The following CTNNA3 variants were observed in gnomAD, a reference collection of about 807,000 sequenced individuals.
CTNNA3 encodes the protein catenin alpha 3.
In CTNNA3, 76 loss-of-function variants were observed where a neutral mutation model predicts 95.7. The ratio of observed to expected loss-of-function variants is 0.79; its 90% CI spans 0.66 to 0.96. The LOEUF (loss-of-function observed/expected upper bound fraction) is 0.96, where lower values mean the gene tolerates loss of function less well. Among genes scored for constraint, CTNNA3 ranks in the 40% least tolerant of loss-of-function variants. The pLI, the probability that CTNNA3 is intolerant of heterozygous loss-of-function variation, is 0.00. For synonymous variants in CTNNA3, 431 were observed against 374.4 expected (o/e 1.15, Z -1.74); for missense variants, 1,191 against 1,089.8 (o/e 1.09, Z -1.31).
chr10:66,745,649 G>A (rs990435694), intron 9 of CTNNA3, among the ~76,000 whole-genome samples: 1 of 148,588 alleles, frequency 6.7e-6, no homozygotes, highest in African/African-American at 2.5e-5. Flanking sequence ...GAGTGCAGTG[G>A]TGTGATCTCG....
chr10:67,181,579 A>G (rs542402323), intron 6 of CTNNA3, among the ~76,000 whole-genome samples: 3 of 152,262 alleles, frequency 2.0e-5, no homozygotes, highest in African/African-American at 7.2e-5. Flanking sequence ...ATATTATAAG[A>G]TCTTCCTAGT....
At chr10:66,477,771 A>G (rs1332968370) in intron 11 of CTNNA3, among the ~76,000 whole-genome samples, 2 of 152,038 alleles carry the variant, frequency 1.3e-5, no homozygotes, top group Non-Finnish European at 2.9e-5. Flanking sequence ...CTCACATAAA[A>G]TATTTGTTAG....
intron 1 of CTNNA3, among the ~76,000 whole-genome samples, chr10:67,689,084 A>G (rs10997783): frequency 0.24 from 35,895 of 152,038 alleles, 5,090 homozygotes; most frequent in East Asian, 0.52. Context: ...AAGCTGTTAG[A>G]GTCCTAAGCA....
chr10:66,523,988 C>T (rs1447287097), intron 10 of CTNNA3, among the ~76,000 whole-genome samples: 1 of 152,138 alleles, frequency 6.6e-6, no homozygotes, highest in East Asian at 1.9e-4. Context: ...TAATCTTACT[C>T]ATTTTAGTCT....
chr10:66,524,940 T>A (rs1324289392), intron 10 of CTNNA3, among the ~76,000 whole-genome samples: 1 of 151,862 alleles, frequency 6.6e-6, no homozygotes, highest in Non-Finnish European at 1.5e-5. Flanking sequence ...TCCCAGCTAC[T>A]TGGGAGGCTG....
At position 66,153,334 on chromosome 10, in the gene CTNNA3, T is replaced by A. The variant is rs1007623642; in HGVS notation, c.1885-50085A>T. 3.9e-5 allele frequency among the ~76,000 whole-genome samples: 6 copies of A among 152,022 alleles called. No homozygotes were observed. In the East Asian group the frequency reaches 9.6e-4, roughly 24 times the overall value. On this transcript the variant is annotated intron_variant, in intron 13 of 17. Transcript: ENST00000433211. ...GTTAATCATATATTTTTTCTTTGAA[T>A]GTGAAGCCAGTCTGTATTGTATCCA...
chr10:67,112,186 ATATGT>A (rs942088397), intron 7 of CTNNA3, among the ~76,000 whole-genome samples: 18 of 152,250 alleles, frequency 1.2e-4, no homozygotes, highest in Admixed American at 7.8e-4. Context: ...TATATTATGG[ATATGT>A]TATAACTGTC....
chr10:66,468,784 A>T (rs1019012796), intron 11 of CTNNA3, among the ~76,000 whole-genome samples: 15 of 152,046 alleles, frequency 9.9e-5, no homozygotes, highest in African/African-American at 3.6e-4. Context: ...AAAATAAATA[A>T]TAAGAAGCAC....
At chr10:66,105,889 T>C (rs996736730) in intron 13 of CTNNA3, among the ~76,000 whole-genome samples, 1 of 152,152 alleles carries the variant, frequency 6.6e-6, no homozygotes, top group Admixed American at 6.6e-5. Flanking sequence ...AGGAGTACTC[T>C]AATAATTTTG....
At chr10:67,002,031 G>A (rs539551645) in intron 7 of CTNNA3, among the ~76,000 whole-genome samples, 2 of 152,262 alleles carry the variant, frequency 1.3e-5, no homozygotes, top group Admixed American at 6.5e-5. Flanking sequence ...GGAGGTCACC[G>A]TCTGGTTGAC....
At position 66,732,726 on chromosome 10, in the gene CTNNA3, G is replaced by C. The variant is rs562885573; in HGVS notation, c.1281+33538C>G. On this transcript the variant is annotated intron_variant, in intron 9 of 17. Coordinates refer to ENST00000433211, the MANE Select transcript of CTNNA3 (RefSeq NM_013266.4). ...CCTCCCATGACCCATGGGGATTATGGAAAATACAATTCAAGATGGGATTTG... is the reference window on the plus strand; with the variant it reads ...CCTCCCATGACCCATGGGGATTATGCAAAATACAATTCAAGATGGGATTTG... Among the ~76,000 whole-genome samples, 4 of 152,184 alleles carry C rather than the reference G, an allele frequency of 2.6e-5. No homozygotes were observed. In the East Asian group the frequency reaches 7.7e-4, roughly 29 times the overall value.
chr10:66,067,091 C>T (rs2080329039), intron 15 of CTNNA3, among the ~76,000 whole-genome samples: 1 of 152,090 alleles, frequency 6.6e-6, no homozygotes, highest in South Asian at 2.1e-4. Context: ...TTGCTCAGTT[C>T]CATTTTCCCC....
rs141473256 is a variant in CTNNA3, at chr10:66,247,322, C to A, written c.1884+33148G>T. On this transcript the variant is annotated intron_variant, in intron 13 of 17. Transcript: ENST00000433211. ...AGGGTTTTGACTCTAATCCCTGGTTCACAGCTAGCATTGCTGGACCTGCCT... is the reference window on the plus strand; with the variant it reads ...AGGGTTTTGACTCTAATCCCTGGTTAACAGCTAGCATTGCTGGACCTGCCT... 5.3e-5 allele frequency among the ~76,000 whole-genome samples: 8 copies of A among 152,220 alleles called. No homozygotes were observed. In the East Asian group the frequency reaches 1.5e-3, roughly 29 times the overall value.
intron 1 of CTNNA3, among the ~76,000 whole-genome samples, chr10:67,701,316 A>C (rs999764061): frequency 1.3e-5 from 2 of 152,210 alleles, no homozygotes; most frequent in African/African-American, 4.8e-5. Flanking sequence ...ACCAAGACAC[A>C]TAATTGTCAG....
At chr10:66,747,028 C>G (rs928971620) in intron 9 of CTNNA3, among the ~76,000 whole-genome samples, 2 of 151,956 alleles carry the variant, frequency 1.3e-5, no homozygotes, top group Non-Finnish European at 2.9e-5. Context: ...GTCTTTTCAT[C>G]AATATAATGG....
chr10:66,133,176 C>A (rs1459843880), intron 13 of CTNNA3, among the ~76,000 whole-genome samples: 1 of 151,984 alleles, frequency 6.6e-6, no homozygotes, highest in Non-Finnish European at 1.5e-5. Context: ...TGAATCCTAT[C>A]CTAATAAAAA....
rs1426889669 is a variant in CTNNA3, at chr10:66,139,909, T to G, written c.1885-36660A>C. 2.6e-5 allele frequency among the ~76,000 whole-genome samples: 4 copies of G among 152,202 alleles called. No individual in the cohort carries two copies. The East Asian group carries it at 7.7e-4, about 29-fold the overall frequency. Reference sequence around the variant, plus strand: ...TTCGTCCGGTTCTCCCTTTTCCTGATGATTTTGTAAAGGGACTAGGAGGAT... The same window carrying G: ...TTCGTCCGGTTCTCCCTTTTCCTGAGGATTTTGTAAAGGGACTAGGAGGAT... On this transcript the variant is annotated intron_variant, in intron 13 of 17. Transcript: ENST00000433211.
intron 3 of CTNNA3, among the ~76,000 whole-genome samples, chr10:67,595,067 C>T (rs1345709067): frequency 6.6e-6 from 1 of 152,080 alleles, no homozygotes; most frequent in African/African-American, 2.4e-5. Context: ...TAATTTGTTC[C>T]TTTTATGTCT....
rs557923192 is a variant in CTNNA3, at chr10:66,732,000, A to G, written c.1281+34264T>C. 7.9e-5 allele frequency among the ~76,000 whole-genome samples: 12 copies of G among 152,330 alleles called. No homozygotes were observed. The South Asian group carries it at 1.9e-3, about 24-fold the overall frequency. ...TTCAGAAAATTAGCTCTTATGCTCA[A>G]ACTAATAGTAACAAAAACACTGCTA... On this transcript the variant is annotated intron_variant, in intron 9 of 17. Transcript: ENST00000433211.
Sources: gnomAD v4.1 joint callset for allele counts (sites outside exome capture counted in the v4.1 genomes callset) on GRCh38, gnomAD v4.1.1 for gene constraint, MANE v1.5 for transcripts, NCBI Gene and HGNC (gene_info 2026-07-23, HGNC 2026-07-21) for gene names.